Variants in SPAG17 observed in about 807,000 individuals in gnomAD.
The protein encoded by SPAG17 is sperm associated antigen 17, also known as sperm-associated antigen 17.
A neutral mutation model predicts 273.6 loss-of-function variants in SPAG17; 169 were observed. The observed-to-expected ratio is 0.62, with a 90% CI of 0.55 to 0.70. SPAG17 has a LOEUF of 0.70. Ranked by LOEUF, SPAG17 falls within the 30% of genes least tolerant of loss-of-function variation. SPAG17 has a pLI of 0.00. For missense variants in SPAG17, 2,557 were observed against 2,627.8 expected (o/e 0.97, Z 0.59); for synonymous variants, 825 against 873.2 (o/e 0.94, Z 0.97).
rs923426414 is a variant in SPAG17 at position 117,992,785 on chromosome 1, C to T, written c.5179-137G>A. On this transcript the variant is annotated intron_variant, in intron 35 of 48. Coordinates refer to ENST00000336338, the MANE Select transcript of SPAG17 (RefSeq NM_206996.4). Reference sequence around the variant, plus strand: ...CACAGTGGTGAAAAAAAATCCTTAACCTCAAAAAGTTCTGCAAATATAAGG... The same window carrying T: ...CACAGTGGTGAAAAAAAATCCTTAATCTCAAAAAGTTCTGCAAATATAAGG... The T allele has an allele frequency of 9.1e-6, 7 of 768,370 alleles. No homozygotes were observed. In the African/African-American group the frequency reaches 1.3e-4, roughly 14 times the overall value. 47.6% of individuals were successfully genotyped at this position (768,370 alleles called of 1,614,324 possible). A position where few individuals can be genotyped will look rare whatever the true frequency, so the allele number is the denominator to read the frequency against.
At chr1:118,083,654 G>A (rs1394964356) in intron 13 of SPAG17, among the ~76,000 whole-genome samples, 18 of 152,198 alleles carry the variant, frequency 1.2e-4, no homozygotes, top group African/African-American at 2.9e-4. Context: ...GCATGATGGC[G>A]TGCGCCTGTA....
chr1:117,968,272 G>C (rs933946343), intron 46 of SPAG17, among the ~76,000 whole-genome samples: 1 of 152,170 alleles, frequency 6.6e-6, no homozygotes, highest in Non-Finnish European at 1.5e-5. Flanking sequence ...ATGGTATAGA[G>C]TGAGCTTCAA....
chr1:118,103,320 A>T (rs1251197230), intron 4 of SPAG17, among the ~76,000 whole-genome samples: 1 of 152,182 alleles, frequency 6.6e-6, no homozygotes, highest in Non-Finnish European at 1.5e-5. Context: ...CAAATGCGGT[A>T]ATCTTAACAA....
intron 38 of SPAG17, 109 bp from the exon 39 acceptor site, chr1:117,988,313 T>C (rs1252284741): frequency 1.4e-6 from 1 of 701,588 alleles, no homozygotes; most frequent in Non-Finnish European, 2.2e-6. Context: ...ATATAGTTAA[T>C]CTATCAAGTG....
At chr1:118,173,123 C>T (rs771830543) in intron 1 of SPAG17, among the ~76,000 whole-genome samples, 1 of 151,658 alleles carries the variant, frequency 6.6e-6, no homozygotes, top group Non-Finnish European at 1.5e-5. Context: ...TCCCTCTTTG[C>T]CCACCATTAA....
At chr1:118,163,929 A>C (rs1660044970) in intron 1 of SPAG17, among the ~76,000 whole-genome samples, 1 of 152,072 alleles carries the variant, frequency 6.6e-6, no homozygotes, top group African/African-American at 2.4e-5. Flanking sequence ...TGCCTTGCCT[A>C]TTCTCCCAAG....
chr1:118,144,982 C>G (rs960747727), intron 3 of SPAG17, among the ~76,000 whole-genome samples: 1 of 152,140 alleles, frequency 6.6e-6, no homozygotes, highest in African/African-American at 2.4e-5. Flanking sequence ...TATGAAATAA[C>G]GGCATTAGGT....
Position 117,983,814 on chromosome 1 carries a change from G to C in SPAG17, c.5869C>G (p.Leu1957Val). 6.3e-7 allele frequency: 1 copy of C among 1,598,880 alleles called. No homozygotes were observed. The highest frequency in any genetic ancestry group is 8.6e-7 in the Non-Finnish European group (1 of 1,168,054). Residue 1957 changes from leucine to valine, a missense_variant, in exon 42 of 49, where the codon CTA becomes GTA. Transcript: ENST00000336338. ...TAVQDTSDLN[L>V]DFKPHKVSEQ... The stretch of plus-strand genomic sequence containing the variant: ...ATGTGCTATGCTAACATATTACCTA[G>C]ATTAAGATCAGATGTATCTTGAACA...
rs745680018 is a variant in SPAG17, at chr1:118,055,854, T to C, written c.2601A>G (p.Ile867Met). The C allele has an allele frequency of 4.3e-6, 7 of 1,612,612 alleles. No homozygotes were observed. The East Asian group carries it at 6.7e-5, about 15-fold the overall frequency. The change falls in exon 19 of 49, where the codon ATA (isoleucine) becomes ATG (methionine). Residue 867 changes from isoleucine to methionine, a missense_variant. Ile to Met is a conservative substitution (Grantham distance 10, BLOSUM62 1). Coordinates refer to ENST00000336338, the MANE Select transcript of SPAG17 (RefSeq NM_206996.4). ...IQDWITKEEA[I>M]YQESKMNEKI... is the part of the protein sequence containing the mutation. ...TCTCATTCATTTTAGATTCCTGATA[T>C]ATAGCTTCTTCTTTTGTAATCCAAT...
rs541803369 is a variant in SPAG17 at position 118,161,670 on chromosome 1, T to C, written c.88-10301A>G. Among the ~76,000 whole-genome samples, 6 of 152,272 alleles carry C rather than the reference T, an allele frequency of 3.9e-5. No homozygotes were observed. The South Asian group carries it at 1.0e-3, about 26-fold the overall frequency. On this transcript the variant is annotated intron_variant, in intron 1 of 48. Coordinates refer to ENST00000336338, the MANE Select transcript of SPAG17 (RefSeq NM_206996.4). ...CTCCTGCCTCAGCCTCCTGAGTAGC[T>C]GGGACTACAGGCGCCCGCCCCCACC... is the stretch of plus-strand genomic sequence containing the variant.
chr1:118,167,448 T>C (rs976148675), intron 1 of SPAG17, among the ~76,000 whole-genome samples: 1 of 152,152 alleles, frequency 6.6e-6, no homozygotes, highest in Non-Finnish European at 1.5e-5. Flanking sequence ...ATTTAGAATA[T>C]TTACCTATTT....
intron 3 of SPAG17, among the ~76,000 whole-genome samples, chr1:118,146,704 C>T (rs1659013159): frequency 6.6e-6 from 1 of 152,100 alleles, no homozygotes; most frequent in Non-Finnish European, 1.5e-5. Flanking sequence ...TGAAAGATTA[C>T]TTGGTTGGTG....
Position 118,081,406 on chromosome 1 carries a change from G to A in SPAG17, c.1990+9C>T. On this transcript the variant is annotated intron_variant, in intron 14 of 48. Transcript: ENST00000336338. ...CAAGAATGCTTTCCATTCCCTCCAT[G>A]CAGTGTACCTGCTTTCTGCTTGGCC... The A allele has an allele frequency of 1.2e-6, 2 of 1,612,824 alleles. No homozygotes were observed. Among genetic ancestry groups the A allele is most frequent in the Non-Finnish European group, 8.5e-7 (1 of 1,179,126 alleles).
intron 29 of SPAG17, among the ~76,000 whole-genome samples, chr1:118,013,737 C>T (rs889360706): frequency 1.1e-4 from 17 of 152,028 alleles, no homozygotes; most frequent in African/African-American, 3.9e-4. Flanking sequence ...TGAAACATTT[C>T]GTAACGCCAC....
At chr1:117,978,149 A>T (rs563124718) in intron 43 of SPAG17, among the ~76,000 whole-genome samples, 1 of 152,154 alleles carries the variant, frequency 6.6e-6, no homozygotes, top group African/African-American at 2.4e-5. Flanking sequence ...TCTCTCACCA[A>T]CACTTCACCT....
At position 118,066,673 on chromosome 1, in the gene SPAG17, C is replaced by G. The variant is rs1046791792; in HGVS notation, c.2540+72G>C. Reference sequence around the variant, plus strand: ...CTAGCTTAGGGTAAGGAACTAACACCTAAGTAACTAAGTAACTGGCAAGCT... The same window carrying G: ...CTAGCTTAGGGTAAGGAACTAACACGTAAGTAACTAAGTAACTGGCAAGCT... On this transcript the variant is annotated intron_variant, in intron 18 of 48. Coordinates refer to ENST00000336338, the MANE Select transcript of SPAG17 (RefSeq NM_206996.4). The G allele has an allele frequency of 3.7e-6, 5 of 1,343,884 alleles. No individual in the cohort carries two copies. The Admixed American group carries it at 9.2e-5, about 25-fold the overall frequency. 83.2% of individuals were successfully genotyped at this position (1,343,884 alleles called of 1,614,324 possible). A position where few individuals can be genotyped will look rare whatever the true frequency, so the allele number is the denominator to read the frequency against.
At chr1:118,179,576 G>T (rs1424547949) in intron 1 of SPAG17, among the ~76,000 whole-genome samples, 1 of 151,868 alleles carries the variant, frequency 6.6e-6, no homozygotes, top group Non-Finnish European at 1.5e-5. Context: ...TGCAACCAAA[G>T]CAAAAATAGA....
chr1:118,152,203 C>T (rs1466550618), intron 1 of SPAG17, among the ~76,000 whole-genome samples: 1 of 152,032 alleles, frequency 6.6e-6, no homozygotes, highest in African/African-American at 2.4e-5. Flanking sequence ...TAAGGGAGGG[C>T]ACTCTAGTCA....
intron 46 of SPAG17, 24 bp from the exon 47 acceptor site, chr1:117,966,777 G>T: frequency 6.3e-7 from 1 of 1,581,642 alleles, no homozygotes; most frequent in African/African-American, 1.4e-5. Flanking sequence ...GGTAGCTTTA[G>T]GACCAGACAA....
Sources: allele counts gnomAD v4.1 joint callset (sites outside exome capture counted in the v4.1 genomes callset), GRCh38; gene constraint gnomAD v4.1.1; transcripts MANE v1.5; gene names NCBI Gene and HGNC (gene_info 2026-07-23, HGNC 2026-07-21).